Variants in STAM2 observed in about 807,000 individuals in gnomAD.
The protein encoded by STAM2 is signal transducing adapter molecule 2.
In STAM2, 51 loss-of-function variants were observed where a neutral mutation model predicts 65.6. That is an observed-to-expected ratio of 0.78 (90% CI 0.62 to 0.98). STAM2 has a LOEUF of 0.98. STAM2 is among the 50% of genes least tolerant of loss of function. STAM2 has a pLI of 0.00. For missense variants in STAM2, 584 were observed against 617.8 expected, an observed-to-expected ratio of 0.95 and a Z score of 0.58; for synonymous variants, 198 against 208.4, an observed-to-expected ratio of 0.95 and a Z score of 0.43.
chr2:152,149,639 AGG>A (rs541284237), intron 2 of STAM2, among the ~76,000 whole-genome samples: 2 of 152,052 alleles, frequency 1.3e-5, no homozygotes, highest in South Asian at 4.1e-4. Context: ...CTGGGATTAC[AGG>A]CGCACACCAT....
At chr2:152,145,821 C>CA (rs1689328559) in intron 5 of STAM2, among the ~76,000 whole-genome samples, 2 of 152,196 alleles carry the variant, frequency 1.3e-5, no homozygotes, top group African/African-American at 4.8e-5. Context: ...GCATGTAAGA[C>CA]AGGTATCCAG....
Position 152,148,222 on chromosome 2 carries a change from C to T in STAM2, c.201+3G>A, listed in dbSNP as rs72864741. ...GTCAAATAATAACATGCCTTGTACT[C>T]ACAGTTAGTGCTTGCAGAGCAACAT... On this transcript the variant is annotated splice_donor_region_variant and intron_variant, in intron 3 of 13. Coordinates refer to ENST00000263904, the MANE Select transcript of STAM2 (RefSeq NM_005843.6). 0.17 allele frequency: 274,021 copies of T among 1,606,610 alleles called. 25,461 individuals are homozygous for T. The highest frequency in any genetic ancestry group is 0.25 in the Middle Eastern group (1,511 of 6,012).
intron 1 of STAM2, among the ~76,000 whole-genome samples, chr2:152,173,407 T>C: frequency 6.8e-6 from 1 of 147,672 alleles, no homozygotes; most frequent in African/African-American, 2.5e-5. Flanking sequence ...TATATATATA[T>C]TTTTTTTCGA....
In STAM2 at chr2:152,133,422, C is replaced by T. The variant is rs1208618035; in HGVS notation, c.862G>A (p.Glu288Lys). ...DVEEIKKSEP[E>K]PVYIDEDKMD... is the part of the protein sequence containing the mutation. ...CCTACCTCATCTATATAAACAGGCT[C>T]AGGCTCTGATTTCTTAATTTCCTCC... Residue 288 changes from glutamate (E) to lysine (K), a missense_variant, in exon 9 of 14, where the codon GAG becomes AAG. Coordinates refer to ENST00000263904, the MANE Select transcript of STAM2 (RefSeq NM_005843.6). 1 of 1,612,778 alleles carries T rather than the reference C, an allele frequency of 6.2e-7. No homozygotes were observed. The highest frequency in any genetic ancestry group is 8.5e-7 in the Non-Finnish European group (1 of 1,179,234).
Position 152,171,495 on chromosome 2 carries a change from T to C in STAM2, c.40+4108A>G, listed in dbSNP as rs1477226815. Among the ~76,000 whole-genome samples, 3 of 152,246 alleles carry C rather than the reference T, an allele frequency of 2.0e-5. No individual in the cohort carries two copies. In the East Asian group the frequency reaches 5.8e-4, roughly 29 times the overall value. On this transcript the variant is annotated intron_variant, in intron 1 of 13. Coordinates refer to ENST00000263904, the MANE Select transcript of STAM2 (RefSeq NM_005843.6). ...AGTAAATGTTATAAATTTGTGTGTA[T>C]GTTATGAATTTATATTATTCTTATG...
At chr2:152,146,886 GGGTATGTCA>G (rs1689344918) in intron 5 of STAM2, among the ~76,000 whole-genome samples, 1 of 152,092 alleles carries the variant, frequency 6.6e-6, no homozygotes. Flanking sequence ...TGAATATAAG[GGGTATGTCA>G]TATACCTATG....
chr2:152,133,321 A>G, intron 9 of STAM2, 61 bp from the exon 10 acceptor site: 15 of 1,539,376 alleles, frequency 9.7e-6, no homozygotes, highest in Non-Finnish European at 1.3e-5. Flanking sequence ...TAAATATGAA[A>G]TTACTCTTTC....
intron 10 of STAM2, 99 bp from the exon 11 acceptor site, chr2:152,132,267 A>G (rs1689078714): frequency 1.3e-6 from 1 of 767,212 alleles, no homozygotes. Context: ...AACACTATGC[A>G]TAATACACAC....
chr2:152,155,583 A>AGCTTCTTAGATAGGTAACT (rs1421909804), intron 1 of STAM2, among the ~76,000 whole-genome samples: 1 of 152,242 alleles, frequency 6.6e-6, no homozygotes, highest in African/African-American at 2.4e-5. Context: ...ATGCTTCAAA[A>AGCTTCTTAGATAGGTAACT]GCTTCTTAGA....
intron 7 of STAM2, among the ~76,000 whole-genome samples, chr2:152,143,093 GTCC>G (rs1689277932): frequency 6.6e-6 from 1 of 152,184 alleles, no homozygotes. Flanking sequence ...ACAGAACTGT[GTCC>G]TCATTTGTTA....
At chr2:152,138,605 G>A (rs1689194873) in intron 7 of STAM2, among the ~76,000 whole-genome samples, 2 of 152,088 alleles carry the variant, frequency 1.3e-5, no homozygotes, top group Non-Finnish European at 2.9e-5. Flanking sequence ...GAGTCTTATG[G>A]ATGAATTAAT....
intron 1 of STAM2, among the ~76,000 whole-genome samples, chr2:152,160,763 C>T (rs1357579418): frequency 2.7e-5 from 4 of 150,326 alleles, no homozygotes; most frequent in Admixed American, 1.3e-4. Flanking sequence ...TCTGCCCGGC[C>T]GCCCCTACCG....
At position 152,175,639 on chromosome 2, in the gene STAM2, G is replaced by A. The variant is rs1057236187; in HGVS notation, c.4C>T (p.Pro2Ser). 49 of 1,613,266 alleles carry A rather than the reference G, an allele frequency of 3.0e-5. No individual in the cohort carries two copies. Among genetic ancestry groups the A allele is most frequent in the Non-Finnish European group, 4.0e-5 (47 of 1,179,726 alleles). The part of the protein sequence containing the change: M[P>S]LFTANPFEQD... Reference sequence around the variant, plus strand: ...TCGAAGGGGTTGGCGGTGAACAAAGGCATCTCGCCGGCGCCCGAGCCCTAG... The same window carrying A: ...TCGAAGGGGTTGGCGGTGAACAAAGACATCTCGCCGGCGCCCGAGCCCTAG... The change falls in exon 1 of 14, where the codon CCT (proline) becomes TCT (serine). Residue 2 changes from proline to serine, a missense_variant. Physicochemically the swap from Pro to Ser is moderately conservative, Grantham distance 74 (BLOSUM62 -1). Coordinates refer to ENST00000263904, the MANE Select transcript of STAM2 (RefSeq NM_005843.6).
chr2:152,144,788 C>G (rs529821429), intron 6 of STAM2, 100 bp downstream of exon 6: 1 of 903,720 alleles, frequency 1.1e-6, no homozygotes, highest in Non-Finnish European at 1.8e-6. Context: ...CTGCCCACTT[C>G]GGCCTCCCAA....
In STAM2 at chr2:152,153,866, T is replaced by C. The variant is rs988339936; in HGVS notation, c.41-3637A>G. Among the ~76,000 whole-genome samples the C allele has an allele frequency of 3.4e-5, 5 of 147,744 alleles. No homozygotes were observed. In the Admixed American group the frequency reaches 3.5e-4, roughly 10 times the overall value. On this transcript the variant is annotated intron_variant, in intron 1 of 13. Transcript: ENST00000263904. ...CAATCCCTTTTAAAACTATGATGCA[T>C]ATCCTTCCAGACATTACATACACAC... is the stretch of plus-strand genomic sequence containing the variant.
In STAM2 at chr2:152,117,062, T is replaced by A. The variant is rs140751906; in HGVS notation, c.*3512A>T. 1.4e-4 allele frequency: 21 copies of A among 152,304 alleles called. No individual in the cohort carries two copies. The highest frequency in any genetic ancestry group is 4.1e-4 in the African/African-American group (17 of 41,566). The allele number at this position is 152,304 out of a possible 1,614,324, so 9.4% of individuals were successfully genotyped here. Reference sequence around the variant, plus strand: ...TGACATTCCAGGTGTACATGAAATTTGGAGGGACACTATTCACTATATCAC... The same window carrying A: ...TGACATTCCAGGTGTACATGAAATTAGGAGGGACACTATTCACTATATCAC... On this transcript the variant is annotated 3_prime_UTR_variant, in exon 14 of 14. Transcript: ENST00000263904.
intron 1 of STAM2, among the ~76,000 whole-genome samples, chr2:152,158,273 C>T (rs773427296): frequency 1.6e-4 from 24 of 151,976 alleles, no homozygotes; most frequent in Non-Finnish European, 1.5e-4. Context: ...TCAAGAGATC[C>T]GAGACCATCT....
At chr2:152,142,071 G>A (rs1233867379) in intron 7 of STAM2, among the ~76,000 whole-genome samples, 1 of 152,140 alleles carries the variant, frequency 6.6e-6, no homozygotes, top group African/African-American at 2.4e-5. Context: ...ATGCAAGTTT[G>A]CATTTGTCTA....
At chr2:152,140,611 C>T (rs1029529284) in intron 7 of STAM2, among the ~76,000 whole-genome samples, 4 of 152,166 alleles carry the variant, frequency 2.6e-5, no homozygotes, top group Admixed American at 2.0e-4. Flanking sequence ...CCTTAAAATA[C>T]CTGTTTTACT....
Sources: gnomAD v4.1 joint callset for allele counts (sites outside exome capture counted in the v4.1 genomes callset) on GRCh38, gnomAD v4.1.1 for gene constraint, MANE v1.5 for transcripts, NCBI Gene and HGNC (gene_info 2026-07-23, HGNC 2026-07-21) for gene names.